NR2F1-AS1: variants seen among roughly 807,000 people sequenced by gnomAD.
NR2F1-AS1 encodes NR2F1 antisense RNA 1.
At chr5:93,454,698 G>A (rs1434037721) in intron 4 of NR2F1-AS1, among the ~76,000 whole-genome samples, 7 of 152,142 alleles carry the variant, frequency 4.6e-5, no homozygotes, top group African/African-American at 7.2e-5. Context: ...TCAGATCTCC[G>A]GGGATGGGGA....
At position 93,455,140 on chromosome 5, in the gene NR2F1-AS1, C is replaced by T. The variant is rs551603367; in HGVS notation, n.639-59598G>A. ...GTGAAGTGAGGTCTTGTGGTTCTGC[C>T]TCTTAACCTGTGACAATCCCCACAC... On this transcript the variant is annotated intron_variant and non_coding_transcript_variant, in intron 4 of 5. Transcript: ENST00000660523. Among the ~76,000 whole-genome samples, 4 of 152,228 alleles carry T rather than the reference C, an allele frequency of 2.6e-5. No homozygotes were observed. The East Asian group carries it at 7.7e-4, about 29-fold the overall frequency.
intron 4 of NR2F1-AS1, among the ~76,000 whole-genome samples, chr5:93,531,344 G>T (rs1165782011): frequency 2.0e-5 from 3 of 152,016 alleles, no homozygotes; most frequent in Non-Finnish European, 4.4e-5. Flanking sequence ...AACGAAGGAA[G>T]AAATCAGACT....
rs187782998 is a variant in NR2F1-AS1 at position 93,438,352 on chromosome 5, C to T, written n.639-42810G>A. Among the ~76,000 whole-genome samples the T allele has an allele frequency of 2.3e-3, 355 of 152,298 alleles. 1 individual carries two copies. Among genetic ancestry groups the T allele is most frequent in the African/African-American group, 8.3e-3 (344 of 41,564 alleles). ...CTTTCCCTTTTACTTTCTCAATCTTCGTACAAGCATCACTATATACCCACT... is the reference window on the plus strand; with the variant it reads ...CTTTCCCTTTTACTTTCTCAATCTTTGTACAAGCATCACTATATACCCACT... On this transcript the variant is annotated intron_variant and non_coding_transcript_variant, in intron 4 of 5. Transcript: ENST00000660523.
intron 1 of NR2F1-AS1, among the ~76,000 whole-genome samples, chr5:93,576,208 T>C (rs1441587245): frequency 3.3e-5 from 5 of 152,200 alleles, no homozygotes; most frequent in Admixed American, 6.5e-5. Context: ...CCTTTCTCTT[T>C]TCAGCTTCAG....
At chr5:93,436,885 A>G (rs566085261) in intron 4 of NR2F1-AS1, among the ~76,000 whole-genome samples, 1 of 152,212 alleles carries the variant, frequency 6.6e-6, no homozygotes, top group South Asian at 2.1e-4. Context: ...GTTTACACTC[A>G]AGGACCTAAT....
chr5:93,523,944 T>C (rs1254781201), intron 4 of NR2F1-AS1, among the ~76,000 whole-genome samples: 2 of 151,932 alleles, frequency 1.3e-5, no homozygotes, highest in Non-Finnish European at 2.9e-5. Flanking sequence ...AGAAAGCCAC[T>C]TCTCCTCCAA....
intron 4 of NR2F1-AS1, among the ~76,000 whole-genome samples, chr5:93,533,903 A>G (rs1751784021): frequency 6.6e-6 from 1 of 152,134 alleles, no homozygotes; most frequent in African/African-American, 2.4e-5. Context: ...AGGCCGAGGC[A>G]GGCAGATCAC....
intron 4 of NR2F1-AS1, among the ~76,000 whole-genome samples, chr5:93,532,336 T>C (rs533654452): frequency 6.6e-6 from 1 of 152,312 alleles, no homozygotes; most frequent in South Asian, 2.1e-4. Flanking sequence ...TTTTGTTGCT[T>C]CTTTTGTACA....
chr5:93,450,572 A>G lies in NR2F1-AS1; in HGVS notation n.639-55030T>C, dbSNP rs530099775. On this transcript the variant is annotated intron_variant and non_coding_transcript_variant, in intron 4 of 5. Coordinates refer to ENST00000660523, the Ensembl canonical transcript of NR2F1-AS1. ...TAGCTACAATGTAACTAAAAGATCT[A>G]TATCACAATCACTGTAGCATTTACA... is the stretch of plus-strand genomic sequence containing the variant. Among the ~76,000 whole-genome samples the G allele has an allele frequency of 6.6e-5, 10 of 152,330 alleles. No individual in the cohort carries two copies. In the South Asian group the frequency reaches 1.0e-3, roughly 16 times the overall value.
At chr5:93,568,457 T>C (rs1169796111) in intron 1 of NR2F1-AS1, among the ~76,000 whole-genome samples, 3 of 152,198 alleles carry the variant, frequency 2.0e-5, no homozygotes, top group Admixed American at 1.3e-4. Context: ...TGGCAAGAAC[T>C]ACAAAGTCAC....
At chr5:93,458,255 G>T (rs1331579660) in intron 4 of NR2F1-AS1, among the ~76,000 whole-genome samples, 1 of 152,036 alleles carries the variant, frequency 6.6e-6, no homozygotes, top group Non-Finnish European at 1.5e-5. Context: ...AATAAATTTT[G>T]AGAAAAAAAT....
At chr5:93,576,557 G>C (rs981852706) in intron 1 of NR2F1-AS1, among the ~76,000 whole-genome samples, 1 of 151,780 alleles carries the variant, frequency 6.6e-6, no homozygotes, top group Non-Finnish European at 1.5e-5. Flanking sequence ...TTAGATCAAC[G>C]TTCTGATAGG....
upstream of NR2F1-AS1, chr5:93,585,232 AGGGCCAGGGCCCGCCCGGTTC>A: frequency 6.4e-7 from 1 of 1,554,130 alleles, no homozygotes; most frequent in Non-Finnish European, 8.7e-7. Flanking sequence ...GCGGGGGACA[AGGGCCAGGGCCCGCCCGGTTC>A]GGGCCAGAGC....
chr5:93,468,079 A>C (rs1580251964), intron 4 of NR2F1-AS1, among the ~76,000 whole-genome samples: 1 of 152,140 alleles, frequency 6.6e-6, no homozygotes, highest in South Asian at 2.1e-4. Context: ...GTTGGTTCCA[A>C]GTCTTTGCTA....
At chr5:93,576,664 G>A (rs915106052) in intron 1 of NR2F1-AS1, among the ~76,000 whole-genome samples, 2 of 152,150 alleles carry the variant, frequency 1.3e-5, no homozygotes, top group Non-Finnish European at 2.9e-5. Context: ...AGTAAAGAAA[G>A]TGACATTAAA....
At chr5:93,484,778 CAAAAAAA>C (rs61083284) in intron 4 of NR2F1-AS1, among the ~76,000 whole-genome samples, 1 of 84,322 alleles carries the variant, frequency 1.2e-5, no homozygotes, top group Non-Finnish European at 2.8e-5. Flanking sequence ...AAATGGAAAG[CAAAAAAA>C]AAAAAAAAAA....
At chr5:93,414,135 A>T (rs571469498) in intron 4 of NR2F1-AS1, among the ~76,000 whole-genome samples, 2 of 152,322 alleles carry the variant, frequency 1.3e-5, no homozygotes, top group South Asian at 2.1e-4. Flanking sequence ...ACATACATAT[A>T]CACATAACCT....
intron 4 of NR2F1-AS1, among the ~76,000 whole-genome samples, chr5:93,525,664 C>T (rs746959775): frequency 1.5e-4 from 23 of 152,146 alleles, no homozygotes; most frequent in Non-Finnish European, 2.9e-4. Context: ...GTCTCTCAGA[C>T]CATAGTGCAA....
intron 4 of NR2F1-AS1, among the ~76,000 whole-genome samples, chr5:93,553,059 C>T (rs1468144638): frequency 1.3e-5 from 2 of 151,524 alleles, no homozygotes; most frequent in East Asian, 3.9e-4. Flanking sequence ...CACCCATTGA[C>T]TGACTAAATA....
Sources: gnomAD v4.1 joint callset for allele counts (sites outside exome capture counted in the v4.1 genomes callset) on GRCh38, gnomAD v4.1.1 for gene constraint, MANE v1.5 for transcripts, NCBI Gene and HGNC (gene_info 2026-07-23, HGNC 2026-07-21) for gene names.